Variants in SH3KBP1 observed in about 807,000 individuals in gnomAD.
SH3KBP1 encodes the protein SH3 domain-containing kinase-binding protein 1.
A neutral mutation model predicts 50.1 loss-of-function variants in SH3KBP1; 8 were observed. That is an observed-to-expected ratio of 0.16 (90% CI 0.09 to 0.29). SH3KBP1 has a LOEUF of 0.29. Ranked by LOEUF, SH3KBP1 falls within the 10% of genes least tolerant of loss-of-function variation. The pLI, the probability that SH3KBP1 is intolerant of heterozygous loss-of-function variation, is 1.00. For synonymous variants in SH3KBP1, 227 were observed against 218.6 expected (o/e 1.04, Z -0.34); for missense variants, 377 against 535.2 (o/e 0.70, Z 2.92).
At position 19,546,053 on chromosome X, in the gene SH3KBP1, G is replaced by C; in HGVS notation, c.1495-3C>G. 8.3e-7 allele frequency: 1 copy of C among 1,210,578 alleles called. No homozygotes were observed. The highest frequency in any genetic ancestry group is 1.1e-6 in the Non-Finnish European group (1 of 894,710). On this transcript the variant is annotated splice_polypyrimidine_tract_variant and splice_region_variant and intron_variant, in intron 14 of 17. Transcript: ENST00000397821. ...ATATCAGGGCTTGAAAGGGATGACT[G>C]ATAAAGCCAAAAGAAAATGCTTTTG...
intron 3 of SH3KBP1, among the ~76,000 whole-genome samples, chrX:19,738,678 A>T (rs1209160835): frequency 5.7e-5 from 5 of 87,342 alleles, no homozygotes; most frequent in Non-Finnish European, 8.6e-5. Flanking sequence ...GTACTTAAGG[A>T]TTCATGTCAG....
intron 4 of SH3KBP1, among the ~76,000 whole-genome samples, chrX:19,706,487 G>T (rs1038795859): frequency 4.5e-5 from 5 of 110,632 alleles, no homozygotes; most frequent in African/African-American, 1.6e-4. Flanking sequence ...TCTAAGAAAT[G>T]TCACTCCTTT....
chrX:19,664,021 C>T (rs1361907093), intron 6 of SH3KBP1, among the ~76,000 whole-genome samples: 2 of 111,867 alleles, frequency 1.8e-5, no homozygotes, highest in African/African-American at 6.5e-5. Context: ...CCTGGGAGGT[C>T]GAGGAGGCTG....
At chrX:19,547,261 T>A (rs2065112883) in intron 14 of SH3KBP1, among the ~76,000 whole-genome samples, 1 of 111,008 alleles carries the variant, frequency 9.0e-6, no homozygotes, top group East Asian at 2.8e-4. Flanking sequence ...AAAATAAGAG[T>A]TCCTATAGCA....
At chrX:19,560,358 G>A (rs2065634612) in intron 13 of SH3KBP1, among the ~76,000 whole-genome samples, 1 of 111,938 alleles carries the variant, frequency 8.9e-6, no homozygotes, top group Non-Finnish European at 1.9e-5. Flanking sequence ...GGATTCAGAG[G>A]CTACCAAAAC....
At chrX:19,858,236 T>C (rs887313912) in intron 1 of SH3KBP1, among the ~76,000 whole-genome samples, 2 of 111,318 alleles carry the variant, frequency 1.8e-5, no homozygotes, top group African/African-American at 6.5e-5. Flanking sequence ...GAGGTTGCTT[T>C]CTAGGTAATC....
chrX:19,650,269 C>T (rs890864219), intron 6 of SH3KBP1, among the ~76,000 whole-genome samples: 2 of 112,358 alleles, frequency 1.8e-5, no homozygotes, highest in African/African-American at 3.2e-5. Flanking sequence ...AAAGTTATGC[C>T]TGAGACTGGG....
At chrX:19,554,353 T>TA (rs1417113071) in intron 13 of SH3KBP1, among the ~76,000 whole-genome samples, 5 of 92,181 alleles carry the variant, frequency 5.4e-5, no homozygotes, top group Non-Finnish European at 6.1e-5. Flanking sequence ...CATATTAATA[T>TA]ATTATATATC....
At chrX:19,808,325 G>A (rs1446977189) in intron 2 of SH3KBP1, among the ~76,000 whole-genome samples, 4 of 110,528 alleles carry the variant, frequency 3.6e-5, no homozygotes, top group South Asian at 7.7e-4. Flanking sequence ...TCTACCACCC[G>A]CTTAAAGACC....
intron 2 of SH3KBP1, among the ~76,000 whole-genome samples, chrX:19,791,782 T>C (rs1339183629): frequency 9.0e-6 from 1 of 111,659 alleles, no homozygotes; most frequent in African/African-American, 3.3e-5. Context: ...CAGTTAAGAC[T>C]GGGCTTCATG....
intron 16 of SH3KBP1, among the ~76,000 whole-genome samples, chrX:19,540,995 ACCT>A (rs2064872384): frequency 1.8e-5 from 2 of 108,980 alleles, no homozygotes; most frequent in African/African-American, 6.7e-5. Flanking sequence ...GCTCACTGCA[ACCT>A]CCTCCTCCTG....
At chrX:19,590,004 G>A (rs1005476323) in intron 11 of SH3KBP1, among the ~76,000 whole-genome samples, 4 of 110,619 alleles carry the variant, frequency 3.6e-5, no homozygotes, top group Admixed American at 9.6e-5. Flanking sequence ...CCAGCTATTC[G>A]GGAGGCTGAG....
intron 2 of SH3KBP1, among the ~76,000 whole-genome samples, chrX:19,808,840 A>AT (rs958150414): frequency 9.0e-6 from 1 of 111,219 alleles, no homozygotes; most frequent in African/African-American, 3.3e-5. Context: ...ATCTGTCCAG[A>AT]TTTTTTCTTG....
At chrX:19,636,439 C>G (rs1471348856) in intron 7 of SH3KBP1, among the ~76,000 whole-genome samples, 1 of 110,738 alleles carries the variant, frequency 9.0e-6, no homozygotes, top group Non-Finnish European at 1.9e-5. Flanking sequence ...TGTTAGTTAC[C>G]TAGTTCCCAC....
At chrX:19,669,476 C>G (rs146368047) in intron 6 of SH3KBP1, among the ~76,000 whole-genome samples, 2,123 of 110,312 alleles carry the variant, frequency 0.019, 21 homozygotes, top group Non-Finnish European at 0.029. Flanking sequence ...ACCTGTCAGG[C>G]CCCCCAGGGG....
chrX:19,805,708 A>G (rs186367513), intron 2 of SH3KBP1, among the ~76,000 whole-genome samples: 27 of 110,327 alleles, frequency 2.4e-4, no homozygotes, highest in African/African-American at 8.6e-4. Context: ...TAGGGGTGAG[A>G]GAACACAGAC....
intron 2 of SH3KBP1, among the ~76,000 whole-genome samples, chrX:19,830,756 T>C (rs773266002): frequency 6.1e-4 from 67 of 109,936 alleles, no homozygotes; most frequent in African/African-American, 2.1e-3. Flanking sequence ...AATGAGACCC[T>C]GTCTCAAAAA....
At chrX:19,759,100 A>C (rs1045186167) in intron 2 of SH3KBP1, among the ~76,000 whole-genome samples, 3 of 112,407 alleles carry the variant, frequency 2.7e-5, no homozygotes, top group Non-Finnish European at 3.8e-5. Flanking sequence ...TACCATGAAC[A>C]AGGTACTTTT....
At chrX:19,743,342 G>A (rs944911809) in intron 3 of SH3KBP1, among the ~76,000 whole-genome samples, 1 of 110,105 alleles carries the variant, frequency 9.1e-6, no homozygotes, top group Admixed American at 9.7e-5. Context: ...TGGGGAGGTC[G>A]AGGCTGCAGT....
Sources: gnomAD v4.1 joint callset for allele counts (sites outside exome capture counted in the v4.1 genomes callset) on GRCh38, gnomAD v4.1.1 for gene constraint, MANE v1.5 for transcripts, NCBI Gene and HGNC (gene_info 2026-07-23, HGNC 2026-07-21) for gene names.